The following ARFGEF3 variants were observed in gnomAD, a reference collection of about 807,000 sequenced individuals.
ARFGEF3 encodes ARFGEF family member 3, also known as brefeldin A-inhibited guanine nucleotide-exchange protein 3.
ARFGEF3 carries 96 observed loss-of-function variants against 221.7 expected under a neutral mutation model. That is an observed-to-expected ratio of 0.43 (90% CI 0.37 to 0.51). The LOEUF (loss-of-function observed/expected upper bound fraction) is 0.51. Among genes scored for constraint, ARFGEF3 ranks in the 20% least tolerant of loss-of-function variants. ARFGEF3 has a pLI of 0.00. For synonymous variants in ARFGEF3, 1,145 were observed against 1,126.8 expected, an observed-to-expected ratio of 1.02 and a Z score of -0.32; for missense variants, 2,410 against 2,789.9, an observed-to-expected ratio of 0.86 and a Z score of 3.07.
At chr6:138,259,380 T>G (rs1778745574) in intron 10 of ARFGEF3, among the ~76,000 whole-genome samples, 1 of 152,244 alleles carries the variant, frequency 6.6e-6, no homozygotes, top group Non-Finnish European at 1.5e-5. Context: ...CCTTTTCTGC[T>G]TCTGATTTCC....
At chr6:138,227,306 C>G (rs558670723) in intron 4 of ARFGEF3, among the ~76,000 whole-genome samples, 1 of 152,148 alleles carries the variant, frequency 6.6e-6, no homozygotes, top group Non-Finnish European at 1.5e-5. Context: ...AACACCCTTA[C>G]GAAGACCTCA....
intron 4 of ARFGEF3, chr6:138,217,737 G>T: frequency 2.3e-6 from 1 of 443,326 alleles, no homozygotes; most frequent in Non-Finnish European, 3.7e-6. Flanking sequence ...GTTTTTAATG[G>T]CCCACTAGGA....
intron 33 of ARFGEF3, 134 bp downstream of exon 33, chr6:138,335,322 A>G (rs776806479): frequency 8.0e-6 from 7 of 875,840 alleles, no homozygotes; most frequent in East Asian, 2.8e-5. Context: ...ATTTCCCTCC[A>G]AAGTCAGAGG....
chr6:138,202,385 G>A (rs1177485353), intron 2 of ARFGEF3, among the ~76,000 whole-genome samples: 2 of 152,160 alleles, frequency 1.3e-5, no homozygotes, highest in African/African-American at 4.8e-5. Flanking sequence ...AAAAAATGAA[G>A]GTAGGAGGGT....
At chr6:138,180,533 ATG>A (rs1777057405) in intron 2 of ARFGEF3, among the ~76,000 whole-genome samples, 1 of 152,074 alleles carries the variant, frequency 6.6e-6, no homozygotes, top group Non-Finnish European at 1.5e-5. Context: ...AGTCATACAA[ATG>A]TAACTGAGTT....
At chr6:138,247,646 C>T (rs1485972818) in intron 8 of ARFGEF3, among the ~76,000 whole-genome samples, 1 of 152,202 alleles carries the variant, frequency 6.6e-6, no homozygotes, top group Non-Finnish European at 1.5e-5. Context: ...GGTTAAAACC[C>T]ACGCTTTGCC....
intron 2 of ARFGEF3, among the ~76,000 whole-genome samples, chr6:138,179,131 G>A (rs74686678): frequency 5.9e-5 from 9 of 152,152 alleles, no homozygotes; most frequent in African/African-American, 2.2e-4. Context: ...ATTTGACTTG[G>A]AGTATTTATG....
Position 138,221,119 on chromosome 6 carries a change from T to C in ARFGEF3, c.352-8665T>C, listed in dbSNP as rs73774692. On this transcript the variant is annotated intron_variant, in intron 4 of 33. Transcript: ENST00000251691. The stretch of plus-strand genomic sequence containing the variant: ...GCTGCATCAGGTCCAGGTGGGAAGA[T>C]TGGTACCTCTTTCTATAAGGTCTTT... 9.2e-3 allele frequency among the ~76,000 whole-genome samples: 1,406 copies of C among 152,246 alleles called. 16 individuals carry two copies. Among genetic ancestry groups the C allele is most frequent in the African/African-American group, 0.031 (1,295 of 41,526 alleles).
chr6:138,334,451 G>T lies in ARFGEF3; in HGVS notation c.5605G>T (p.Val1869Phe). ...DEDIFEETAQ[V>F]SPPRGKEKRQ... is the part of the protein sequence containing the mutation. ...AGACATCTTTGAGGAAACCGCCCAG[G>T]TCAGCCCCCCGAGAGGCAAGGAGAA... The change falls in exon 33 of 34, where the codon GTC (valine) becomes TTC (phenylalanine). Residue 1869 changes from valine (V) to phenylalanine (F), a missense_variant. Val to Phe is a conservative substitution (Grantham distance 50, BLOSUM62 -1). Around this residue, in one of 5 missense-constraint regions of ARFGEF3, gnomAD observed 723 missense variants for 991.9 expected, o/e 0.73. Coordinates refer to ENST00000251691, the MANE Select transcript of ARFGEF3 (RefSeq NM_020340.5). The surrounding 1 kb of genome is among the most constrained non-coding windows in gnomAD (Gnocchi z 5.1). 2 of 1,611,462 alleles carry T rather than the reference G, an allele frequency of 1.2e-6. No homozygotes were observed. The highest frequency in any genetic ancestry group is 8.5e-7 in the Non-Finnish European group (1 of 1,179,086).
chr6:138,209,274 G>A (rs1158412008), intron 3 of ARFGEF3, among the ~76,000 whole-genome samples: 2 of 152,034 alleles, frequency 1.3e-5, no homozygotes, highest in Admixed American at 6.6e-5. Flanking sequence ...GAAAGCATAT[G>A]TGTGTGTGTG....
chr6:138,228,059 A>G (rs112557383), intron 4 of ARFGEF3, among the ~76,000 whole-genome samples: 16 of 152,006 alleles, frequency 1.1e-4, no homozygotes, highest in African/African-American at 3.6e-4. Context: ...CTCCCTACCT[A>G]CCAAATCCCA....
Position 138,310,003 on chromosome 6 carries a change from T to C in ARFGEF3, c.4096+1142T>C, listed in dbSNP as rs966283780. On this transcript the variant is annotated intron_variant, in intron 24 of 33. Transcript: ENST00000251691. The stretch of plus-strand genomic sequence containing the variant: ...CTGGGTCTCCCCTAATCCAGCCAAG[T>C]TGACATCTAAAATAAACCATCACAT... Among the ~76,000 whole-genome samples, 14 of 152,326 alleles carry C rather than the reference T, an allele frequency of 9.2e-5. No homozygotes were observed. In the East Asian group the frequency reaches 1.7e-3, roughly 19 times the overall value.
chr6:138,344,110 T>C lies in ARFGEF3; in HGVS notation c.*7624T>C, dbSNP rs1268205972. On this transcript the variant is annotated 3_prime_UTR_variant, in exon 34 of 34. Transcript: ENST00000251691. The stretch of plus-strand genomic sequence containing the variant: ...ATTATAAACAGTTCCCCTACTACTA[T>C]CTCCCACTCTAGATAAAGCCAGTGG... 1 of 152,160 alleles carries C rather than the reference T, an allele frequency of 6.6e-6. No homozygotes were observed. The highest frequency in any genetic ancestry group is 1.5e-5 in the Non-Finnish European group (1 of 68,036). The allele number at this position is 152,160 out of a possible 1,614,324, so 9.4% of individuals were successfully genotyped here.
intron 29 of ARFGEF3, among the ~76,000 whole-genome samples, chr6:138,322,192 C>CCTGA (rs1780043880): frequency 6.6e-6 from 1 of 152,180 alleles, no homozygotes; most frequent in Non-Finnish European, 1.5e-5. Context: ...ACTTTGCCTG[C>CCTGA]CTGACTGTTT....
At chr6:138,238,678 G>C in intron 6 of ARFGEF3, 47 bp downstream of exon 6, 1 of 1,592,932 alleles carries the variant, frequency 6.3e-7, no homozygotes, top group Non-Finnish European at 8.6e-7. Context: ...GGTGGTGTCT[G>C]TGTATCCCAT....
intron 18 of ARFGEF3, among the ~76,000 whole-genome samples, chr6:138,290,599 A>C (rs960157988): frequency 1.3e-5 from 2 of 152,236 alleles, no homozygotes; most frequent in African/African-American, 4.8e-5. Context: ...TCCTCTTACA[A>C]CTAAGACTGA....
intron 4 of ARFGEF3, among the ~76,000 whole-genome samples, chr6:138,227,752 C>T (rs940732901): frequency 6.6e-6 from 1 of 152,138 alleles, no homozygotes; most frequent in East Asian, 1.9e-4. Context: ...GAGAAGATTG[C>T]AAATAAGCAA....
At chr6:138,206,757 C>T (rs990251264) in intron 2 of ARFGEF3, among the ~76,000 whole-genome samples, 4 of 152,092 alleles carry the variant, frequency 2.6e-5, no homozygotes, top group Admixed American at 6.6e-5. Flanking sequence ...ACAGACTGGC[C>T]GGGGTCCCAA....
Position 138,328,106 on chromosome 6 carries a change from C to T in ARFGEF3, c.5087C>T (p.Pro1696Leu), listed in dbSNP as rs750540580. 9.4e-6 allele frequency: 15 copies of T among 1,587,498 alleles called. No individual in the cohort carries two copies. The South Asian group carries it at 1.5e-4, about 16-fold the overall frequency. The change falls in exon 32 of 34, where the codon CCT becomes CTT. Residue 1696 changes from proline (P) to leucine (L), a missense_variant. Coordinates refer to ENST00000251691, the MANE Select transcript of ARFGEF3 (RefSeq NM_020340.5). ...AQSCQLIIEL[P>L]PDEKPNGHTK... The stretch of plus-strand genomic sequence containing the variant: ...TCCTGCCAGCTCATTATTGAGCTGC[C>T]TCCTGATGAAAAACCAAATGGACAC...
Sources: allele counts gnomAD v4.1 joint callset (sites outside exome capture counted in the v4.1 genomes callset), GRCh38; gene constraint gnomAD v4.1.1; regional missense constraint gnomAD v4.1.1; non-coding constraint Gnocchi (gnomAD v3.1); transcripts MANE v1.5; gene names NCBI Gene and HGNC (gene_info 2026-07-23, HGNC 2026-07-21).